Variants in CCPG1 observed in about 807,000 individuals in gnomAD.
CCPG1 encodes the protein cell cycle progression protein 1.
Under a neutral mutation model 81.3 loss-of-function variants are expected in CCPG1, and 46 were observed. The ratio of observed to expected loss-of-function variants is 0.57; its 90% CI spans 0.45 to 0.72. The LOEUF (loss-of-function observed/expected upper bound fraction) is 0.72. Ranked by LOEUF, CCPG1 falls within the 30% of genes least tolerant of loss-of-function variation. The pLI is 0.00. For missense variants in CCPG1, 902 were observed against 937.6 expected, an observed-to-expected ratio of 0.96 and a Z score of 0.50; for synonymous variants, 330 against 305.2, an observed-to-expected ratio of 1.08 and a Z score of -0.85.
At chr15:55,366,387 G>A (rs1172266624) in intron 6 of CCPG1, among the ~76,000 whole-genome samples, 1 of 151,914 alleles carries the variant, frequency 6.6e-6, no homozygotes, top group East Asian at 1.9e-4. Context: ...TTGGCTAATG[G>A]TGATTGTGCA....
chr15:55,377,532 G>A (rs982804935), intron 4 of CCPG1, among the ~76,000 whole-genome samples: 2 of 152,192 alleles, frequency 1.3e-5, no homozygotes, highest in African/African-American at 2.4e-5. Flanking sequence ...GGTTATGTAC[G>A]TAATAAACTT....
At chr15:55,390,661 G>A (rs79588411) in intron 1 of CCPG1, among the ~76,000 whole-genome samples, 17,457 of 151,138 alleles carry the variant, frequency 0.12, 1,503 homozygotes, top group African/African-American at 0.23. Flanking sequence ...CACTCGTTGC[G>A]AATGTTGGCC....
rs1310868488 is a variant in CCPG1 at position 55,360,442 on chromosome 15, C to G, written c.1331G>C (p.Arg444Pro). ...LERKLTFEQQ[R>P]SDLWERLYVE... Reference sequence around the variant, plus strand: ...ATACAATCTTTCCCACAAATCAGAACGCTGCTGTTCGAAGGTTAGCTTCCG... The same window carrying G: ...ATACAATCTTTCCCACAAATCAGAAGGCTGCTGTTCGAAGGTTAGCTTCCG... The change falls in exon 8 of 9, where the codon CGT (arginine) becomes CCT (proline). Residue 444 changes from arginine (R) to proline (P), a missense_variant. By Grantham distance (103) the Arg-to-Pro change is moderately radical. Around this residue, in one of 3 missense-constraint regions of CCPG1, gnomAD observed 746 missense variants for 728.6 expected, o/e 1.02. Transcript: ENST00000442196. The G allele has an allele frequency of 1.9e-6, 3 of 1,614,022 alleles. No homozygotes were observed. The highest frequency in any genetic ancestry group is 3.3e-5 in the Admixed American group (2 of 60,020).
intron 1 of CCPG1, among the ~76,000 whole-genome samples, chr15:55,404,829 C>A (rs189434035): frequency 6.6e-6 from 1 of 152,034 alleles, no homozygotes; most frequent in Non-Finnish European, 1.5e-5. Flanking sequence ...GCCAGCACTT[C>A]GGGAGGCCCA....
Position 55,356,069 on chromosome 15 carries a change from C to G in CCPG1, c.*151G>C. The G allele has an allele frequency of 1.6e-6, 1 of 631,192 alleles. No individual in the cohort carries two copies. The highest frequency in any genetic ancestry group is 2.6e-6 in the Non-Finnish European group (1 of 390,168). 39.1% of individuals were successfully genotyped at this position (631,192 alleles called of 1,614,324 possible). On this transcript the variant is annotated 3_prime_UTR_variant, in exon 9 of 9. Transcript: ENST00000442196. ...CAGGTTAGTAGACTTTTAACTAATG[C>G]TTCTGAGGAATAATATAAAGTTATC...
At chr15:55,358,698 A>C in intron 8 of CCPG1, 1 of 985,410 alleles carries the variant, frequency 1.0e-6, no homozygotes, top group Non-Finnish European at 1.2e-6. Context: ...CATGCCCCAT[A>C]CCTTAATTTC....
chr15:55,390,151 T>C lies in CCPG1; in HGVS notation c.-9-718A>G, dbSNP rs567708763. ...GTTGGCCAGGCTGGTCGCGAACTCC[T>C]GACCTCGTGATCCGCCTGCCTCAGC... On this transcript the variant is annotated intron_variant, in intron 1 of 8. Transcript: ENST00000442196. 1.3e-3 allele frequency among the ~76,000 whole-genome samples: 201 copies of C among 152,224 alleles called. 3 individuals are homozygous for C. The South Asian group carries it at 0.041, about 31-fold the overall frequency.
intron 1 of CCPG1, among the ~76,000 whole-genome samples, chr15:55,390,560 C>G (rs1277745375): frequency 2.0e-5 from 3 of 152,162 alleles, no homozygotes; most frequent in Admixed American, 6.5e-5. Flanking sequence ...AACTAGTGCT[C>G]AAATGAGAAC....
rs28495895 is a variant in CCPG1 at position 55,389,283 on chromosome 15, A to G, written c.60+82T>C. ...ACTTTTTGCTTAAAGGTAGAAAAAG[A>G]CTGATCTTCAAAGAACACAGTTTAC... On this transcript the variant is annotated intron_variant, in intron 2 of 8. Transcript: ENST00000442196. 1,491 of 996,646 alleles carry G rather than the reference A, an allele frequency of 1.5e-3. 20 individuals are homozygous for G. In the African/African-American group the frequency reaches 0.022, roughly 15 times the overall value. The allele number at this position is 996,646 out of a possible 1,614,324, so 61.7% of individuals were successfully genotyped here. A position where few individuals can be genotyped will look rare whatever the true frequency, so the allele number is the denominator to read the frequency against.
At chr15:55,406,376 G>C (rs940826953) in intron 1 of CCPG1, among the ~76,000 whole-genome samples, 1 of 147,496 alleles carries the variant, frequency 6.8e-6, no homozygotes, top group African/African-American at 2.5e-5. Flanking sequence ...ATCATTTCTA[G>C]TTTCACTATC....
At chr15:55,378,422 T>C in intron 3 of CCPG1, 46 bp from the exon 4 acceptor site, 1 of 1,241,328 alleles carries the variant, frequency 8.1e-7, no homozygotes, top group Non-Finnish European at 1.2e-6. Flanking sequence ...AATTTAAAAC[T>C]CTCTGTTGAC....
chr15:55,366,694 C>G (rs1041489951), intron 6 of CCPG1, among the ~76,000 whole-genome samples: 2 of 152,144 alleles, frequency 1.3e-5, no homozygotes, highest in Non-Finnish European at 2.9e-5. Context: ...ATCGCTTAAA[C>G]CCGGGAGGTG....
At chr15:55,396,252 T>G (rs1458433862) in intron 1 of CCPG1, among the ~76,000 whole-genome samples, 1 of 152,030 alleles carries the variant, frequency 6.6e-6, no homozygotes, top group Non-Finnish European at 1.5e-5. Context: ...CCCTCCCCAT[T>G]TTAAGAGCTT....
In CCPG1 at chr15:55,358,327, G is replaced by A. The variant is rs372128241; in HGVS notation, c.2234+1212C>T. On this transcript the variant is annotated intron_variant, in intron 8 of 8. Coordinates refer to ENST00000442196, the MANE Select transcript of CCPG1 (RefSeq NM_001204450.2). ...TCCCTGGTTTCCAGCATCCACTGGGGGTCTTGGAACATATATCCTGAAGAT... is the reference window on the plus strand; with the variant it reads ...TCCCTGGTTTCCAGCATCCACTGGGAGTCTTGGAACATATATCCTGAAGAT... 3.0e-5 allele frequency: 29 copies of A among 961,424 alleles called. No homozygotes were observed. The East Asian group carries it at 1.3e-3, about 42-fold the overall frequency. 59.6% of individuals were successfully genotyped at this position (961,424 alleles called of 1,614,324 possible).
intron 2 of CCPG1, among the ~76,000 whole-genome samples, chr15:55,387,616 C>T (rs2056826233): frequency 6.6e-6 from 1 of 151,722 alleles, no homozygotes; most frequent in South Asian, 2.1e-4. Context: ...ACGAACTCTG[C>T]TCACCGCAAC....
chr15:55,357,289 C>T, intron 8 of CCPG1: 1 of 982,634 alleles, frequency 1.0e-6, no homozygotes, highest in East Asian at 1.1e-4. Flanking sequence ...TTCTACTTCT[C>T]CTTCACAAGA....
At chr15:55,374,299 G>A in intron 5 of CCPG1, 3 of 946,066 alleles carry the variant, frequency 3.2e-6, no homozygotes, top group Admixed American at 3.1e-5. Context: ...ATATTATAAA[G>A]ACTAAAAAGA....
At chr15:55,381,389 T>C (rs1050576385) in intron 3 of CCPG1, among the ~76,000 whole-genome samples, 7 of 151,946 alleles carry the variant, frequency 4.6e-5, no homozygotes, top group African/African-American at 7.3e-5. Flanking sequence ...GCTGAGATCA[T>C]TGCGCCACTG....
rs201276560 is a variant in CCPG1 at position 55,360,165 on chromosome 15, A to C, written c.1608T>G (p.Phe536Leu). The change falls in exon 8 of 9, where the codon TTT becomes TTG. Residue 536 changes from phenylalanine (F) to leucine (L), a missense_variant. Physicochemically the swap from Phe to Leu is conservative, Grantham distance 22 (BLOSUM62 0). This residue lies in a region of CCPG1 where 746 missense variants were observed against 728.6 expected (regional missense o/e 1.02). Coordinates refer to ENST00000442196, the MANE Select transcript of CCPG1 (RefSeq NM_001204450.2). ...SDSVKSTFRH[F>L]KDTTKNIFDE... The stretch of plus-strand genomic sequence containing the variant: ...CAAAGATATTCTTGGTGGTATCTTT[A>C]AAGTGTCTGAAAGTGGATTTAACTG... The C allele has an allele frequency of 5.0e-6, 8 of 1,613,044 alleles. No homozygotes were observed. Among genetic ancestry groups the C allele is most frequent in the Non-Finnish European group, 5.9e-6 (7 of 1,179,776 alleles).
Sources: gnomAD v4.1 joint callset for allele counts (sites outside exome capture counted in the v4.1 genomes callset) on GRCh38, gnomAD v4.1.1 for gene constraint, gnomAD v4.1.1 regional missense constraint, MANE v1.5 for transcripts, NCBI Gene and HGNC (gene_info 2026-07-23, HGNC 2026-07-21) for gene names.